CPNE4: variants seen among roughly 807,000 people sequenced by gnomAD.
CPNE4 encodes copine 4.
In CPNE4, 25 loss-of-function variants were observed where a neutral mutation model predicts 67.9. The ratio of observed to expected loss-of-function variants is 0.37; its 90% CI spans 0.27 to 0.51. The LOEUF (loss-of-function observed/expected upper bound fraction) is 0.51, where lower values mean the gene tolerates loss of function less well. Ranked by LOEUF, CPNE4 falls within the 20% of genes least tolerant of loss-of-function variation. The probability of loss-of-function intolerance (pLI) is 0.93; values close to 1 mark genes in which losing one functional copy is unlikely to be tolerated. For missense variants in CPNE4, 464 were observed against 690.8 expected, an observed-to-expected ratio of 0.67 and a Z score of 3.68; for synonymous variants, 242 against 244.9, an observed-to-expected ratio of 0.99 and a Z score of 0.11.
chr3:131,540,991 C>T (rs1170496902), intron 15 of CPNE4, among the ~76,000 whole-genome samples: 1 of 152,140 alleles, frequency 6.6e-6, no homozygotes, highest in African/African-American at 2.4e-5. Context: ...CTGAAGATTC[C>T]CTGTTGCCAG....
intron 1 of CPNE4, among the ~76,000 whole-genome samples, chr3:132,000,770 CA>C (rs1256855245): frequency 1.3e-5 from 2 of 149,458 alleles, no homozygotes; most frequent in African/African-American, 4.9e-5. Flanking sequence ...AAAGAGACAT[CA>C]AAAAATGAAT....
intron 7 of CPNE4, among the ~76,000 whole-genome samples, chr3:131,644,340 G>C (rs995882411): frequency 4.0e-5 from 6 of 151,834 alleles, no homozygotes; most frequent in Non-Finnish European, 5.9e-5. Flanking sequence ...TTGGAGACAG[G>C]GTTTCACCAT....
At chr3:131,788,020 A>G (rs935754378) in intron 2 of CPNE4, among the ~76,000 whole-genome samples, 1 of 152,184 alleles carries the variant, frequency 6.6e-6, no homozygotes, top group Non-Finnish European at 1.5e-5. Flanking sequence ...TGGCGAATGT[A>G]CCAAATTTTT....
chr3:131,760,488 A>T (rs1418011929), intron 2 of CPNE4, among the ~76,000 whole-genome samples: 1 of 152,156 alleles, frequency 6.6e-6, no homozygotes, highest in African/African-American at 2.4e-5. Context: ...CTGGTTACTA[A>T]TCAAACTCAG....
At chr3:131,782,385 T>C (rs2083451236) in intron 2 of CPNE4, among the ~76,000 whole-genome samples, 1 of 152,138 alleles carries the variant, frequency 6.6e-6, no homozygotes, top group Non-Finnish European at 1.5e-5. Context: ...TATTGAAGAA[T>C]TTAATAATTT....
intron 6 of CPNE4, among the ~76,000 whole-genome samples, chr3:131,670,553 T>A (rs1456054631): frequency 2.0e-5 from 3 of 152,216 alleles, no homozygotes; most frequent in African/African-American, 7.2e-5. Context: ...TTGTACTGTG[T>A]ACTTGAGGGC....
chr3:131,938,837 A>G lies in CPNE4; in HGVS notation c.-1-33393T>C, dbSNP rs142428095. ...AAACCATATAAAATGGATCAGGTTTATGGGGAAATTCAAAGGGCATATCAC... is the reference window on the plus strand; with the variant it reads ...AAACCATATAAAATGGATCAGGTTTGTGGGGAAATTCAAAGGGCATATCAC... On this transcript the variant is annotated intron_variant, in intron 1 of 15. Coordinates refer to ENST00000429747, the MANE Select transcript of CPNE4 (RefSeq NM_130808.3). Among the ~76,000 whole-genome samples the G allele has an allele frequency of 2.4e-3, 360 of 152,280 alleles. 2 individuals are homozygous for G. Among genetic ancestry groups the G allele is most frequent in the African/African-American group, 8.2e-3 (340 of 41,570 alleles).
At chr3:131,763,794 C>A (rs1457040852) in intron 2 of CPNE4, among the ~76,000 whole-genome samples, 1 of 151,966 alleles carries the variant, frequency 6.6e-6, no homozygotes, top group East Asian at 1.9e-4. Flanking sequence ...GATCAAGCAA[C>A]TTAATACTTA....
At chr3:131,781,179 C>A (rs1346892891) in intron 2 of CPNE4, among the ~76,000 whole-genome samples, 1 of 152,020 alleles carries the variant, frequency 6.6e-6, no homozygotes, top group Non-Finnish European at 1.5e-5. Flanking sequence ...AACTTTGGTC[C>A]CACTCTACCA....
chr3:131,721,687 G>A lies in CPNE4; in HGVS notation c.360+1759C>T, dbSNP rs1185011332. Among the ~76,000 whole-genome samples, 6 of 152,192 alleles carry A rather than the reference G, an allele frequency of 3.9e-5. No individual in the cohort carries two copies. In the East Asian group the frequency reaches 5.8e-4, roughly 15 times the overall value. ...TAGGATTACTGGTGTGAGCCACCGCGCCTGGCCGGATCTACCTTTATTTCT... is the reference window on the plus strand; with the variant it reads ...TAGGATTACTGGTGTGAGCCACCGCACCTGGCCGGATCTACCTTTATTTCT... On this transcript the variant is annotated intron_variant, in intron 3 of 15. Transcript: ENST00000429747.
chr3:131,704,609 C>A (rs970032524), intron 3 of CPNE4, among the ~76,000 whole-genome samples: 2 of 152,212 alleles, frequency 1.3e-5, no homozygotes, highest in Non-Finnish European at 2.9e-5. Context: ...CAATGCTTGA[C>A]TGTGTCTGGA....
intron 3 of CPNE4, among the ~76,000 whole-genome samples, chr3:131,717,928 TTCTTTC>T: frequency 6.8e-6 from 1 of 146,378 alleles, no homozygotes; most frequent in African/African-American, 2.5e-5. Context: ...CTTTCTTTCT[TTCTTTC>T]TTTCTTTCTT....
intron 11 of CPNE4, among the ~76,000 whole-genome samples, chr3:131,560,208 C>T (rs1936688828): frequency 1.3e-5 from 2 of 151,950 alleles, no homozygotes; most frequent in African/African-American, 4.8e-5. Context: ...CTTATAACTG[C>T]TCTGCAAGGG....
chr3:131,857,299 T>C (rs1377996346), intron 2 of CPNE4, among the ~76,000 whole-genome samples: 1 of 152,072 alleles, frequency 6.6e-6, no homozygotes, highest in African/African-American at 2.4e-5. Context: ...TTCTTCACTC[T>C]AAAAATCTTA....
chr3:131,638,208 A>G (rs887538250), intron 7 of CPNE4, among the ~76,000 whole-genome samples: 25 of 152,178 alleles, frequency 1.6e-4, no homozygotes, highest in Non-Finnish European at 3.7e-4. Flanking sequence ...AATATTGAAT[A>G]TAAATGGCCT....
intron 1 of CPNE4, among the ~76,000 whole-genome samples, chr3:132,030,866 G>A (rs2074221579): frequency 6.6e-6 from 1 of 152,176 alleles, no homozygotes; most frequent in Non-Finnish European, 1.5e-5. Flanking sequence ...GATATTCACT[G>A]AGTTTAACAC....
chr3:131,616,401 C>A (rs1407953340), intron 7 of CPNE4, among the ~76,000 whole-genome samples: 1 of 152,142 alleles, frequency 6.6e-6, no homozygotes, highest in Non-Finnish European at 1.5e-5. Flanking sequence ...GGACTGTGAG[C>A]CCTGGCTGTT....
intron 1 of CPNE4, among the ~76,000 whole-genome samples, chr3:132,013,813 A>G (rs2073828132): frequency 6.6e-6 from 1 of 152,192 alleles, no homozygotes; most frequent in South Asian, 2.1e-4. Context: ...GGACACAAAG[A>G]GTTTGTATAT....
chr3:131,734,709 A>T (rs999599382), intron 2 of CPNE4, among the ~76,000 whole-genome samples: 6 of 152,050 alleles, frequency 3.9e-5, no homozygotes, highest in African/African-American at 1.4e-4. Flanking sequence ...AAATAGCGAG[A>T]CCTTGTCTCT....
Sources: allele counts gnomAD v4.1 joint callset (sites outside exome capture counted in the v4.1 genomes callset), GRCh38; gene constraint gnomAD v4.1.1; transcripts MANE v1.5; gene names NCBI Gene and HGNC (gene_info 2026-07-23, HGNC 2026-07-21).